CADM2: variants seen among roughly 807,000 people sequenced by gnomAD.
CADM2 encodes immunoglobulin superfamily member 4D.
In CADM2, 12 loss-of-function variants were observed where a neutral mutation model predicts 49.8. That is an observed-to-expected ratio of 0.24 (90% CI 0.15 to 0.39). CADM2 has a LOEUF of 0.39. Ranked by LOEUF, CADM2 falls within the 10% of genes least tolerant of loss-of-function variation. The probability of loss-of-function intolerance (pLI) is 1.00; values close to 1 mark genes in which losing one functional copy is unlikely to be tolerated. For synonymous variants in CADM2, 214 were observed against 175.4 expected, an observed-to-expected ratio of 1.22 and a Z score of -1.74; for missense variants, 378 against 492.3, an observed-to-expected ratio of 0.77 and a Z score of 2.20.
chr3:85,559,418 G>T (rs1449375), intron 1 of CADM2, among the ~76,000 whole-genome samples: 77,853 of 151,846 alleles, frequency 0.51, 23,037 homozygotes, highest in East Asian at 0.85. Context: ...CTTCTTAGGT[G>T]TCCATTTGAT....
intron 8 of CADM2, among the ~76,000 whole-genome samples, chr3:86,023,414 C>A (rs1350845908): frequency 6.6e-6 from 1 of 151,872 alleles, no homozygotes; most frequent in Non-Finnish European, 1.5e-5. Flanking sequence ...CAGAGTTTTG[C>A]TCTTGTTGCC....
intron 1 of CADM2, among the ~76,000 whole-genome samples, chr3:85,195,742 C>A (rs1409014289): frequency 4.6e-5 from 7 of 151,862 alleles, no homozygotes; most frequent in Non-Finnish European, 7.4e-5. Flanking sequence ...TTCTTTTATG[C>A]TTGCAATTTT....
intron 1 of CADM2, among the ~76,000 whole-genome samples, chr3:85,561,098 C>A (rs1241540143): frequency 5.3e-5 from 8 of 152,176 alleles, no homozygotes; most frequent in Non-Finnish European, 7.4e-5. Context: ...GACTGAATGA[C>A]TGCTAACACA....
At chr3:85,335,653 G>T (rs1056205142) in intron 1 of CADM2, among the ~76,000 whole-genome samples, 36 of 151,260 alleles carry the variant, frequency 2.4e-4, no homozygotes, top group African/African-American at 8.0e-4. Flanking sequence ...GTTTGAAAAT[G>T]ATATAACAAA....
chr3:85,810,522 A>G (rs1051218605), intron 3 of CADM2, among the ~76,000 whole-genome samples: 1 of 145,732 alleles, frequency 6.9e-6, no homozygotes, highest in Non-Finnish European at 1.5e-5. Context: ...GTATATGCTC[A>G]TAGAATTCTG....
intron 1 of CADM2, among the ~76,000 whole-genome samples, chr3:85,511,018 T>C (rs1402600336): frequency 1.3e-5 from 2 of 152,062 alleles, no homozygotes; most frequent in East Asian, 3.8e-4. Context: ...GAATTTTAAA[T>C]GTAATTTTAA....
At chr3:85,597,824 T>C (rs1194866090) in intron 1 of CADM2, among the ~76,000 whole-genome samples, 1 of 152,086 alleles carries the variant, frequency 6.6e-6, no homozygotes, top group Admixed American at 6.6e-5. Flanking sequence ...ACCTAATCAA[T>C]ATCTGCTAAA....
At chr3:85,054,828 C>A (rs2036017075) in intron 1 of CADM2, among the ~76,000 whole-genome samples, 1 of 151,816 alleles carries the variant, frequency 6.6e-6, no homozygotes, top group African/African-American at 2.4e-5. Flanking sequence ...AAACATGAAA[C>A]AATTGCTTCT....
intron 1 of CADM2, among the ~76,000 whole-genome samples, chr3:85,053,419 G>C (rs1013539272): frequency 6.6e-6 from 1 of 151,868 alleles, no homozygotes; most frequent in Admixed American, 6.6e-5. Flanking sequence ...GAATTTGAAG[G>C]AAATAAAACA....
chr3:85,026,433 T>C (rs752097909), intron 1 of CADM2, among the ~76,000 whole-genome samples: 1 of 152,210 alleles, frequency 6.6e-6, no homozygotes, highest in Non-Finnish European at 1.5e-5. Flanking sequence ...TATTCAAAAC[T>C]ATTGCAATAT....
At chr3:85,289,293 T>C (rs1213509745) in intron 1 of CADM2, among the ~76,000 whole-genome samples, 1 of 152,194 alleles carries the variant, frequency 6.6e-6, no homozygotes, top group Non-Finnish European at 1.5e-5. Flanking sequence ...TTTCTTTTAA[T>C]ACTACCAAAT....
chr3:85,247,078 A>G (rs945355416), intron 1 of CADM2, among the ~76,000 whole-genome samples: 1 of 152,060 alleles, frequency 6.6e-6, no homozygotes, highest in Non-Finnish European at 1.5e-5. Flanking sequence ...TTAGGAGCTT[A>G]TTGTTACAAT....
At chr3:85,924,486 G>A (rs761295601) in intron 6 of CADM2, among the ~76,000 whole-genome samples, 3 of 151,924 alleles carry the variant, frequency 2.0e-5, no homozygotes, top group African/African-American at 4.8e-5. Context: ...CAGCTACATC[G>A]GGGGCCAAAG....
intron 1 of CADM2, among the ~76,000 whole-genome samples, chr3:85,101,094 A>G (rs990814191): frequency 6.6e-6 from 1 of 152,024 alleles, no homozygotes; most frequent in African/African-American, 2.4e-5. Context: ...TCTCTACTAA[A>G]AATAGAAAAA....
intron 3 of CADM2, among the ~76,000 whole-genome samples, chr3:85,825,082 AAAT>A (rs755569277): frequency 3.9e-5 from 6 of 152,104 alleles, no homozygotes; most frequent in African/African-American, 9.7e-5. Flanking sequence ...TTATATTGAA[AAAT>A]AATAATATGC....
At chr3:85,741,738 G>A (rs1163916924) in intron 2 of CADM2, among the ~76,000 whole-genome samples, 1 of 152,110 alleles carries the variant, frequency 6.6e-6, no homozygotes, top group African/African-American at 2.4e-5. Flanking sequence ...TTCAAACTGA[G>A]ATTTAAAAAT....
At chr3:85,378,463 G>C (rs1323053494) in intron 1 of CADM2, among the ~76,000 whole-genome samples, 16 of 151,936 alleles carry the variant, frequency 1.1e-4, no homozygotes, top group Admixed American at 1.1e-3. Flanking sequence ...GTAGTACTTT[G>C]CATCATTTAT....
At chr3:85,622,537 C>A in intron 1 of CADM2, among the ~76,000 whole-genome samples, 1 of 152,108 alleles carries the variant, frequency 6.6e-6, no homozygotes, top group East Asian at 1.9e-4. Flanking sequence ...TCACTCTACA[C>A]AAAATTAACA....
intron 1 of CADM2, among the ~76,000 whole-genome samples, chr3:85,406,465 G>A (rs961045431): frequency 5.9e-5 from 9 of 152,048 alleles, no homozygotes; most frequent in African/African-American, 2.2e-4. Context: ...TTAACTCTGG[G>A]AAAACTCAAA....
Sources: gnomAD v4.1 joint callset for allele counts (sites outside exome capture counted in the v4.1 genomes callset) on GRCh38, gnomAD v4.1.1 for gene constraint, MANE v1.5 for transcripts, NCBI Gene and HGNC (gene_info 2026-07-23, HGNC 2026-07-21) for gene names.